Variants in LRIG1 observed in about 807,000 individuals in gnomAD.
The protein encoded by LRIG1 is leucine-rich repeats and immunoglobulin-like domains protein 1.
A neutral mutation model predicts 99.2 loss-of-function variants in LRIG1; 48 were observed. That is an observed-to-expected ratio of 0.48 (90% CI 0.38 to 0.62). The LOEUF (loss-of-function observed/expected upper bound fraction) is 0.62. Ranked by LOEUF, LRIG1 falls within the 20% of genes least tolerant of loss-of-function variation. The pLI is 0.00. For synonymous variants in LRIG1, 772 were observed against 596.1 expected (o/e 1.29, Z -4.30); for missense variants, 1,646 against 1,434.4 (o/e 1.15, Z -2.38).
intron 2 of LRIG1, among the ~76,000 whole-genome samples, chr3:66,455,133 CG>C (rs1700182470): frequency 6.6e-6 from 1 of 152,078 alleles, no homozygotes. Context: ...TTAGTAGACA[CG>C]GGGTTTCGTC....
chr3:66,394,511 C>T (rs1444470911), intron 11 of LRIG1, among the ~76,000 whole-genome samples: 6 of 152,210 alleles, frequency 3.9e-5, no homozygotes, highest in Non-Finnish European at 7.3e-5. Context: ...GCAGCAGCAA[C>T]GTGGAGCTTA....
At chr3:66,499,853 A>G (rs1201326890) in intron 1 of LRIG1, among the ~76,000 whole-genome samples, 1 of 96,982 alleles carries the variant, frequency 1.0e-5, no homozygotes, top group Non-Finnish European at 2.0e-5. Context: ...ACCCGCAAAC[A>G]CACTCAGCTC....
In LRIG1 at chr3:66,447,180, G is replaced by A. The variant is rs540763388; in HGVS notation, c.365+4379C>T. 4.6e-5 allele frequency among the ~76,000 whole-genome samples: 7 copies of A among 151,972 alleles called. 1 individual carries two copies. In the South Asian group the frequency reaches 1.2e-3, roughly 27 times the overall value. ...ATAAAAATCACATCATGGAGAATGG[G>A]GCATCCATGCCCTCAAGCATTTATC... On this transcript the variant is annotated intron_variant, in intron 3 of 18. Transcript: ENST00000273261.
intron 9 of LRIG1, among the ~76,000 whole-genome samples, chr3:66,402,656 A>C (rs2107993726): frequency 6.6e-6 from 1 of 152,266 alleles, no homozygotes. Flanking sequence ...GAGCTCTCCA[A>C]AAACAAACCC....
rs921429355 is a variant in LRIG1, at chr3:66,378,996, G to C, written c.*1267C>G. The C allele has an allele frequency of 2.0e-5, 3 of 152,646 alleles. No homozygotes were observed. The highest frequency in any genetic ancestry group is 1.3e-4 in the Admixed American group (2 of 15,280). The allele number at this position is 152,646 out of a possible 1,614,324, so 9.5% of individuals were successfully genotyped here. ...TATTTTGTGGAAGTAAGATTAGTCAGTTAACTGTCAAGAACAAAATTCTAA... is the reference window on the plus strand; with the variant it reads ...TATTTTGTGGAAGTAAGATTAGTCACTTAACTGTCAAGAACAAAATTCTAA... On this transcript the variant is annotated 3_prime_UTR_variant, in exon 19 of 19. Transcript: ENST00000273261.
rs150249580 is a variant in LRIG1, at chr3:66,490,192, C to CTCCAAA, written c.218+9992_218+9997dup. 9.5e-3 allele frequency among the ~76,000 whole-genome samples: 1,445 copies of CTCCAAA among 152,244 alleles called. 28 individuals are homozygous for CTCCAAA. The highest frequency in any genetic ancestry group is 0.033 in the African/African-American group (1,367 of 41,516). On this transcript the variant is annotated intron_variant, in intron 1 of 18. Transcript: ENST00000273261. ...CCCAAAGCAAAGAGTCCTACACAGA[C>CTCCAAA]TCCAAATCTGAGAAAACAATCAGAG...
chr3:66,466,289 C>T (rs1181999954), intron 1 of LRIG1, among the ~76,000 whole-genome samples: 1 of 152,048 alleles, frequency 6.6e-6, no homozygotes, highest in African/African-American at 2.4e-5. Context: ...GCAATCCTCC[C>T]ACCTCAGCCT....
rs138426398 is a variant in LRIG1, at chr3:66,473,846, G to C, written c.219-11337C>G. ...AGCTAGCTTATCGACTTGGGATCTC[G>C]TCCTGTTCACTTTTTCCACTGGGCT... On this transcript the variant is annotated intron_variant, in intron 1 of 18. Transcript: ENST00000273261. 2.9e-3 allele frequency among the ~76,000 whole-genome samples: 449 copies of C among 152,288 alleles called. 3 individuals carry two copies. The highest frequency in any genetic ancestry group is 0.01 in the African/African-American group (428 of 41,558).
chr3:66,500,190 A>G lies in LRIG1; in HGVS notation c.218T>C (p.Leu73Pro). 6.6e-7 allele frequency: 1 copy of G among 1,515,184 alleles called. No homozygotes were observed. The highest frequency in any genetic ancestry group is 2.6e-5 in the East Asian group (1 of 37,878). 93.9% of individuals were successfully genotyped at this position (1,515,184 alleles called of 1,614,324 possible). ...AGAGGGCGGAAAGGGCGGCACTCACAGGCTCCGCGTCCAGGAGGGCAGGTC... is the reference window on the plus strand; with the variant it reads ...AGAGGGCGGAAAGGGCGGCACTCACGGGCTCCGCGTCCAGGAGGGCAGGTC... ...PGDLPSWTRS[L>P]NLSYNKLSEI... The change falls in exon 1 of 19, where the codon CTA (leucine) becomes CCA (proline). Residue 73 changes from leucine to proline, a missense_variant and splice_region_variant. Transcript: ENST00000273261.
chr3:66,432,410 T>C (rs1161829275), intron 3 of LRIG1, among the ~76,000 whole-genome samples: 3 of 152,200 alleles, frequency 2.0e-5, no homozygotes, highest in Non-Finnish European at 4.4e-5. Context: ...CTGCATTTTC[T>C]TTCCAGTAGA....
At chr3:66,409,743 T>A (rs1674011361) in intron 7 of LRIG1, 1 of 166,044 alleles carries the variant, frequency 6.0e-6, no homozygotes, top group African/African-American at 2.4e-5. Flanking sequence ...TGCTATTTGG[T>A]GTGGCCATTA....
chr3:66,414,292 G>A (rs2106685406), intron 5 of LRIG1, among the ~76,000 whole-genome samples: 1 of 152,206 alleles, frequency 6.6e-6, no homozygotes. Context: ...AGCTGCTCTG[G>A]AGGCTGAGGC....
Position 66,381,460 on chromosome 3 carries a change from A to G in LRIG1, c.2770+19T>C, listed in dbSNP as rs1701059248. On this transcript the variant is annotated intron_variant, in intron 17 of 18. Transcript: ENST00000273261. ...TCCATTTCAGAAAGAAACTACTTCC[A>G]ATGGGAAGCATCTCATACCCATCTT... The G allele has an allele frequency of 6.2e-7, 1 of 1,600,046 alleles. No individual in the cohort carries two copies. The highest frequency in any genetic ancestry group is 1.7e-5 in the Admixed American group (1 of 59,254).
At chr3:66,426,960 A>G (rs1473011077) in intron 3 of LRIG1, among the ~76,000 whole-genome samples, 2 of 152,232 alleles carry the variant, frequency 1.3e-5, no homozygotes, top group Non-Finnish European at 2.9e-5. Flanking sequence ...CTTCAAGATC[A>G]AATCTTAACA....
At chr3:66,428,339 A>C (rs1176707773) in intron 3 of LRIG1, among the ~76,000 whole-genome samples, 1 of 152,152 alleles carries the variant, frequency 6.6e-6, no homozygotes, top group Admixed American at 6.5e-5. Context: ...CACTGCCCTC[A>C]TATGTCCCCT....
rs115269921 is a variant in LRIG1 at position 66,409,713 on chromosome 3, C to T, written c.935+416G>A. On this transcript the variant is annotated intron_variant, in intron 7 of 18. Transcript: ENST00000273261. The stretch of plus-strand genomic sequence containing the variant: ...CTGTCTCTGTTTGAGCCCAAATGAC[C>T]CCCTCACTGAAGAAGCACATGCTAT... 4.9e-3 allele frequency: 773 copies of T among 157,316 alleles called. 11 individuals carry two copies. Among genetic ancestry groups the T allele is most frequent in the African/African-American group, 0.013 (563 of 41,706 alleles). 9.7% of individuals were successfully genotyped at this position (157,316 alleles called of 1,614,324 possible).
chr3:66,468,536 G>C (rs757643218), intron 1 of LRIG1, among the ~76,000 whole-genome samples: 2 of 152,154 alleles, frequency 1.3e-5, no homozygotes, highest in Non-Finnish European at 2.9e-5. Flanking sequence ...CATATTTTAA[G>C]CTTTCAGATG....
chr3:66,408,960 GTGGT>G (rs1559783603), intron 7 of LRIG1, among the ~76,000 whole-genome samples: 14 of 125,696 alleles, frequency 1.1e-4, no homozygotes, highest in African/African-American at 1.9e-4. Context: ...GTGTGTGTGT[GTGGT>G]GGGGGGAGGG....
chr3:66,404,118 C>T (rs1184549464), intron 9 of LRIG1: 3 of 547,392 alleles, frequency 5.5e-6, no homozygotes, highest in Non-Finnish European at 9.3e-6. Flanking sequence ...GAAGTACCTT[C>T]TTCAGACAGC....
Sources: allele counts gnomAD v4.1 joint callset (sites outside exome capture counted in the v4.1 genomes callset), GRCh38; gene constraint gnomAD v4.1.1; transcripts MANE v1.5; gene names NCBI Gene and HGNC (gene_info 2026-07-23, HGNC 2026-07-21).